The following ATP1B1 variants were observed in gnomAD, a reference collection of about 807,000 sequenced individuals.
ATP1B1 encodes sodium/potassium-transporting ATPase subunit beta-1.
Under a neutral mutation model 39.6 loss-of-function variants are expected in ATP1B1, and 3 were observed. That is an observed-to-expected ratio of 0.08 (90% CI 0.03 to 0.20). The LOEUF is 0.20. Ranked by LOEUF, ATP1B1 falls within the 10% of genes least tolerant of loss-of-function variation. The pLI is 1.00. For synonymous variants in ATP1B1, 139 were observed against 135.0 expected, an observed-to-expected ratio of 1.03 and a Z score of -0.20; for missense variants, 216 against 371.1, an observed-to-expected ratio of 0.58 and a Z score of 3.43.
intron 2 of ATP1B1, among the ~76,000 whole-genome samples, chr1:169,123,637 G>GTT (rs563719087): frequency 8.2e-4 from 119 of 144,684 alleles, no homozygotes; most frequent in Admixed American, 1.4e-3. Flanking sequence ...ATATATATAG[G>GTT]TTTTTTTTTT....
chr1:169,127,553 T>A, intron 4 of ATP1B1, 145 bp downstream of exon 4: 1 of 786,598 alleles, frequency 1.3e-6, no homozygotes, highest in Non-Finnish European at 1.9e-6. Context: ...CAAAAACTTC[T>A]GTATCCACCC....
At chr1:169,112,695 A>G (rs1245762149) in intron 2 of ATP1B1, among the ~76,000 whole-genome samples, 1 of 152,228 alleles carries the variant, frequency 6.6e-6, no homozygotes, top group African/African-American at 2.4e-5. Context: ...TAAGTCAAAT[A>G]GTTCTCCACT....
chr1:169,108,589 T>C (rs796699038), intron 1 of ATP1B1, among the ~76,000 whole-genome samples: 19 of 152,310 alleles, frequency 1.2e-4, no homozygotes, highest in African/African-American at 4.3e-4. Context: ...ATAATATGCA[T>C]CTTTGCTCAT....
intron 1 of ATP1B1, among the ~76,000 whole-genome samples, chr1:169,109,947 A>G (rs1306893884): frequency 2.0e-5 from 3 of 152,106 alleles, no homozygotes; most frequent in Non-Finnish European, 4.4e-5. Context: ...TGCAGCACTT[A>G]ACCCTTGTCC....
intron 4 of ATP1B1, among the ~76,000 whole-genome samples, chr1:169,128,874 C>A (rs1658143756): frequency 1.3e-5 from 2 of 152,178 alleles, no homozygotes; most frequent in South Asian, 4.1e-4. Flanking sequence ...GCTACTCTTT[C>A]TTTTCAGTCC....
At position 169,131,650 on chromosome 1, in the gene ATP1B1, T is replaced by C; in HGVS notation, c.*95T>C. The C allele has an allele frequency of 7.3e-7, 1 of 1,376,942 alleles. No homozygotes were observed. The allele number at this position is 1,376,942 out of a possible 1,614,324, so 85.3% of individuals were successfully genotyped here. A position where few individuals can be genotyped will look rare whatever the true frequency, so the allele number is the denominator to read the frequency against. On this transcript the variant is annotated 3_prime_UTR_variant, in exon 6 of 6. Coordinates refer to ENST00000367815, the MANE Select transcript of ATP1B1 (RefSeq NM_001677.4). The surrounding 1 kb of genome is among the most constrained non-coding windows in gnomAD (Gnocchi z 4.4). ...AGTCTTGAACAAACTGTCATACGTATGGGACCTACACTTAATCTATATGCT... is the reference window on the plus strand; with the variant it reads ...AGTCTTGAACAAACTGTCATACGTACGGGACCTACACTTAATCTATATGCT...
rs376870600 is a variant in ATP1B1 at position 169,114,363 on chromosome 1, G to A, written c.226+2865G>A. Among the ~76,000 whole-genome samples, 4 of 152,304 alleles carry A rather than the reference G, an allele frequency of 2.6e-5. 1 individual carries two copies. The highest frequency in any genetic ancestry group is 4.1e-4 in the South Asian group (2 of 4,822). On this transcript the variant is annotated intron_variant, in intron 2 of 5. Coordinates refer to ENST00000367815, the MANE Select transcript of ATP1B1 (RefSeq NM_001677.4). ...AATTTGAGTTAGATACACCTAGTGG[G>A]TGTGAAAGTTTGCATATGATTTAAA...
intron 1 of ATP1B1, among the ~76,000 whole-genome samples, chr1:169,108,499 C>A (rs1222782248): frequency 6.6e-6 from 1 of 152,058 alleles, no homozygotes; most frequent in African/African-American, 2.4e-5. Context: ...GTGGTCTGAC[C>A]CTGCTGCGTC....
intron 4 of ATP1B1, among the ~76,000 whole-genome samples, chr1:169,129,303 C>T (rs1344728580): frequency 6.6e-6 from 1 of 152,170 alleles, no homozygotes; most frequent in Non-Finnish European, 1.5e-5. Context: ...GTATGTTCAT[C>T]ACACTTCTGA....
At chr1:169,108,233 G>C (rs774508412) in intron 1 of ATP1B1, 2 of 152,182 alleles carry the variant, frequency 1.3e-5, no homozygotes, top group Non-Finnish European at 2.9e-5. Context: ...CATGGAAAAT[G>C]TAGTTCTTTA....
rs1658224931 is a variant in ATP1B1, at chr1:169,131,736, A to G, written c.*181A>G. On this transcript the variant is annotated 3_prime_UTR_variant, in exon 6 of 6. Transcript: ENST00000367815. This position sits in a 1 kb window ranked among gnomAD's most constrained non-coding sequence, Gnocchi z 4.4. ...TAAATTAAAGTGTAGCAATAGCAACAAAATATTTATTCTACTGTAAATGAC... is the reference window on the plus strand; with the variant it reads ...TAAATTAAAGTGTAGCAATAGCAACGAAATATTTATTCTACTGTAAATGAC... The G allele has an allele frequency of 1.4e-6, 1 of 732,036 alleles. No individual in the cohort carries two copies. Among genetic ancestry groups the G allele is most frequent in the Non-Finnish European group, 2.1e-6 (1 of 480,438 alleles). The allele number at this position is 732,036 out of a possible 1,614,324, so 45.3% of individuals were successfully genotyped here. A position where few individuals can be genotyped will look rare whatever the true frequency, so the allele number is the denominator to read the frequency against.
chr1:169,107,623 G>C (rs1657629077), intron 1 of ATP1B1, among the ~76,000 whole-genome samples: 2 of 152,116 alleles, frequency 1.3e-5, no homozygotes, highest in Non-Finnish European at 1.5e-5. Context: ...CAGTAGGTTG[G>C]GTTGATTATG....
chr1:169,107,673 A>G (rs1222726167), intron 1 of ATP1B1, among the ~76,000 whole-genome samples: 2 of 151,890 alleles, frequency 1.3e-5, no homozygotes, highest in Non-Finnish European at 1.5e-5. Context: ...ATCTTAAAAT[A>G]TTTTGTGCAG....
At chr1:169,129,107 CAA>C (rs1352333683) in intron 4 of ATP1B1, among the ~76,000 whole-genome samples, 2 of 152,150 alleles carry the variant, frequency 1.3e-5, no homozygotes, top group African/African-American at 2.4e-5. Flanking sequence ...AGAAACGTCC[CAA>C]AGAGTCAAAT....
In ATP1B1 at chr1:169,127,264, T is replaced by C. The variant is rs765177461; in HGVS notation, c.423T>C (p.His141=). 3 of 1,599,960 alleles carry C rather than the reference T, an allele frequency of 1.9e-6. No homozygotes were observed. Among genetic ancestry groups the C allele is most frequent in the Non-Finnish European group, 2.6e-6 (3 of 1,176,134 alleles). Residue 141 remains histidine, a synonymous_variant, in exon 4 of 6, where the codon CAT becomes CAC. Coordinates refer to ENST00000367815, the MANE Select transcript of ATP1B1 (RefSeq NM_001677.4). ...SEPKERGDFN[H]ERGERKVCRF... ...CGAAAGAACGAGGAGACTTTAATCATGAACGAGGAGAGCGAAAGGTCTGCA... is the reference window on the plus strand; with the variant it reads ...CGAAAGAACGAGGAGACTTTAATCACGAACGAGGAGAGCGAAAGGTCTGCA...
chr1:169,132,508 T>G lies in ATP1B1; in HGVS notation c.*953T>G. The G allele has an allele frequency of 2.3e-6, 1 of 428,486 alleles. No homozygotes were observed. The allele number at this position is 428,486 out of a possible 1,614,324, so 26.5% of individuals were successfully genotyped here. A position where few individuals can be genotyped will look rare whatever the true frequency, so the allele number is the denominator to read the frequency against. On this transcript the variant is annotated 3_prime_UTR_variant, in exon 6 of 6. Transcript: ENST00000367815. The stretch of plus-strand genomic sequence containing the variant: ...TTTTTTTCTGCAAGAAAAAGTGTAA[T>G]GTATGAAATAAACCAAAGTCACTTG...
At chr1:169,106,954 C>T in intron 1 of ATP1B1, 28 bp downstream of exon 1, 3 of 1,553,982 alleles carry the variant, frequency 1.9e-6, no homozygotes, top group South Asian at 1.2e-5. Context: ...AGCTCCCGGC[C>T]GCCGCGTCTG....
chr1:169,127,025 T>A (rs1658101218), intron 3 of ATP1B1, among the ~76,000 whole-genome samples, 199 bp from the exon 4 acceptor site: 1 of 152,238 alleles, frequency 6.6e-6, no homozygotes, highest in African/African-American at 2.4e-5. Flanking sequence ...CAGCTATTCC[T>A]TTTGGTAAAA....
chr1:169,106,791 C>T lies in ATP1B1; in HGVS notation c.-39C>T, dbSNP rs772434243. 4 of 1,536,842 alleles carry T rather than the reference C, an allele frequency of 2.6e-6. No homozygotes were observed. The highest frequency in any genetic ancestry group is 1.4e-5 in the African/African-American group (1 of 69,944). On this transcript the variant is annotated 5_prime_UTR_variant, in exon 1 of 6. Coordinates refer to ENST00000367815, the MANE Select transcript of ATP1B1 (RefSeq NM_001677.4). Reference sequence around the variant, plus strand: ...CGCCAGGGCGCGCGCCGCAGCCACCCACCCTCCGGACCGCGGCAGCTGCTG... The same window carrying T: ...CGCCAGGGCGCGCGCCGCAGCCACCTACCCTCCGGACCGCGGCAGCTGCTG...
Sources: gnomAD v4.1 joint callset for allele counts (sites outside exome capture counted in the v4.1 genomes callset) on GRCh38, gnomAD v4.1.1 for gene constraint, Gnocchi (gnomAD v3.1) non-coding constraint, MANE v1.5 for transcripts, NCBI Gene and HGNC (gene_info 2026-07-23, HGNC 2026-07-21) for gene names.